EBF2: variants seen among roughly 807,000 people sequenced by gnomAD.
EBF2 encodes transcription factor COE2.
Under a neutral mutation model 72.8 loss-of-function variants are expected in EBF2, and 21 were observed. That is an observed-to-expected ratio of 0.29 (90% confidence interval 0.20 to 0.42). The LOEUF (loss-of-function observed/expected upper bound fraction) is 0.42, where lower values mean the gene tolerates loss of function less well. Among genes scored for constraint, EBF2 ranks in the 10% least tolerant of loss-of-function variants. The pLI, the probability that EBF2 is intolerant of heterozygous loss-of-function variation, is 1.00. For synonymous variants in EBF2, 299 were observed against 274.2 expected (o/e 1.09, Z -0.89); for missense variants, 637 against 731.2 (o/e 0.87, Z 1.49).
rs771554189 is a variant in EBF2, at chr8:25,961,612, C to T, written c.552-53057G>A. On this transcript the variant is annotated intron_variant, in intron 6 of 15. Coordinates refer to ENST00000520164, the MANE Select transcript of EBF2 (RefSeq NM_022659.4). Reference sequence around the variant, plus strand: ...TCTTGACCTTATGATCCACCCACCTCGGCCTCCCAAAGTGCTGGGATTACA... The same window carrying T: ...TCTTGACCTTATGATCCACCCACCTTGGCCTCCCAAAGTGCTGGGATTACA... 7.9e-5 allele frequency among the ~76,000 whole-genome samples: 12 copies of T among 152,162 alleles called. 1 individual carries two copies. Among genetic ancestry groups the T allele is most frequent in the Admixed American group, 2.0e-4 (3 of 15,280 alleles).
At chr8:25,943,699 C>T (rs528668379) in intron 6 of EBF2, among the ~76,000 whole-genome samples, 3 of 152,206 alleles carry the variant, frequency 2.0e-5, no homozygotes, top group East Asian at 1.9e-4. Context: ...TCCCTTAAAA[C>T]GGCAACTGTG....
At chr8:25,963,522 G>A (rs556950968) in intron 6 of EBF2, among the ~76,000 whole-genome samples, 10 of 152,250 alleles carry the variant, frequency 6.6e-5, no homozygotes, top group South Asian at 2.1e-4. Context: ...GCCCTCTTAC[G>A]GGGTGTGATA....
chr8:25,939,810 G>A (rs1009977907), intron 6 of EBF2, among the ~76,000 whole-genome samples: 1 of 152,210 alleles, frequency 6.6e-6, no homozygotes, highest in Non-Finnish European at 1.5e-5. Flanking sequence ...GCTTTGGAGT[G>A]TTCACAGTTC....
intron 6 of EBF2, among the ~76,000 whole-genome samples, chr8:26,026,336 C>T (rs1805302264): frequency 6.6e-6 from 1 of 152,090 alleles, no homozygotes; most frequent in Admixed American, 6.5e-5. Flanking sequence ...GCATACCTGA[C>T]CCCCAAACTT....
At chr8:25,870,055 TG>T (rs1249745073) in intron 10 of EBF2, among the ~76,000 whole-genome samples, 1 of 152,040 alleles carries the variant, frequency 6.6e-6, no homozygotes, top group Non-Finnish European at 1.5e-5. Flanking sequence ...AAGAGCATGA[TG>T]GGCATCCTCC....
At chr8:25,891,106 A>G (rs1802771013) in intron 7 of EBF2, among the ~76,000 whole-genome samples, 1 of 152,224 alleles carries the variant, frequency 6.6e-6, no homozygotes, top group Admixed American at 6.5e-5. Context: ...TCCCTAACCT[A>G]AAAGAGTTTA....
intron 5 of EBF2, among the ~76,000 whole-genome samples, chr8:26,039,431 G>A (rs1380662172): frequency 6.6e-6 from 1 of 152,108 alleles, no homozygotes; most frequent in Non-Finnish European, 1.5e-5. Flanking sequence ...TAACGCTGGT[G>A]GGAACTGGAC....
intron 14 of EBF2, among the ~76,000 whole-genome samples, chr8:25,853,132 T>C (rs1195771173): frequency 6.6e-6 from 1 of 152,092 alleles, no homozygotes; most frequent in Non-Finnish European, 1.5e-5. Context: ...CCAAAATAAA[T>C]CTAAGTAGAT....
intron 6 of EBF2, among the ~76,000 whole-genome samples, chr8:25,987,321 T>C (rs1293014415): frequency 6.6e-6 from 1 of 152,182 alleles, no homozygotes; most frequent in East Asian, 1.9e-4. Context: ...GTACTATTAT[T>C]TCCCGCCATT....
intron 6 of EBF2, among the ~76,000 whole-genome samples, chr8:25,940,378 T>C (rs1803649483): frequency 6.6e-6 from 1 of 152,126 alleles, no homozygotes; most frequent in South Asian, 2.1e-4. Context: ...TCCCCATAGA[T>C]AGCAAGTGGA....
chr8:25,939,293 C>G (rs1472405581), intron 6 of EBF2, among the ~76,000 whole-genome samples: 2 of 152,040 alleles, frequency 1.3e-5, no homozygotes, highest in Admixed American at 6.6e-5. Flanking sequence ...ATCTATTTTC[C>G]TGACATTGTT....
At chr8:25,963,158 C>T (rs1307039590) in intron 6 of EBF2, among the ~76,000 whole-genome samples, 1 of 152,180 alleles carries the variant, frequency 6.6e-6, no homozygotes, top group Non-Finnish European at 1.5e-5. Context: ...ATGGAAGCAA[C>T]ACAGTGAAGA....
intron 10 of EBF2, among the ~76,000 whole-genome samples, chr8:25,882,427 G>T (rs79329975): frequency 0.067 from 10,265 of 152,248 alleles, 509 homozygotes; most frequent in African/African-American, 0.12. Flanking sequence ...AAGAGACCTG[G>T]CTGTACCAGC....
At chr8:25,856,772 C>G (rs566431347) in intron 14 of EBF2, among the ~76,000 whole-genome samples, 28 of 152,240 alleles carry the variant, frequency 1.8e-4, no homozygotes, top group African/African-American at 6.5e-4. Flanking sequence ...AAATAGCCAC[C>G]TTTCTTCTGA....
intron 14 of EBF2, among the ~76,000 whole-genome samples, chr8:25,852,053 T>TTAAAGTAGTCTTGATTTAAGGAGC (rs1801989577): frequency 6.6e-6 from 1 of 152,222 alleles, no homozygotes; most frequent in South Asian, 2.1e-4. Context: ...CATCTTATCC[T>TTAAAGTAGTCTTGATTTAAGGAGC]TAAAGTAGTC....
At chr8:26,023,176 G>T (rs1285056224) in intron 6 of EBF2, among the ~76,000 whole-genome samples, 10 of 152,172 alleles carry the variant, frequency 6.6e-5, no homozygotes. Context: ...ATAACTGGCA[G>T]TTTTGGGAGG....
chr8:26,010,985 G>GCACACACACA (rs1804971988), intron 6 of EBF2, among the ~76,000 whole-genome samples: 1 of 20,208 alleles, frequency 4.9e-5, no homozygotes, highest in Non-Finnish European at 8.8e-5. Context: ...GCATATGTGT[G>GCACACACACA]CATACACACA....
At chr8:26,023,093 C>A (rs1805230831) in intron 6 of EBF2, among the ~76,000 whole-genome samples, 1 of 152,172 alleles carries the variant, frequency 6.6e-6, no homozygotes, top group Non-Finnish European at 1.5e-5. Context: ...ATTTGGCATG[C>A]CACTCTCTTA....
chr8:25,853,993 C>A (rs1802034943), intron 14 of EBF2, among the ~76,000 whole-genome samples: 1 of 152,088 alleles, frequency 6.6e-6, no homozygotes. Context: ...GTATTGCTTT[C>A]ACTTGTCCGT....
Sources: gnomAD v4.1 joint callset for allele counts (sites outside exome capture counted in the v4.1 genomes callset) on GRCh38, gnomAD v4.1.1 for gene constraint, MANE v1.5 for transcripts, NCBI Gene and HGNC (gene_info 2026-07-23, HGNC 2026-07-21) for gene names.